CCDC7: variants seen among roughly 807,000 people sequenced by gnomAD.
CCDC7 encodes the protein coiled-coil domain-containing protein 7.
Under a neutral mutation model 196.9 loss-of-function variants are expected in CCDC7, and 183 were observed. That is an observed-to-expected ratio of 0.93 (90% CI 0.82 to 1.05). The LOEUF (loss-of-function observed/expected upper bound fraction) is 1.05. Among genes scored for constraint, CCDC7 ranks in the 50% least tolerant of loss-of-function variants. The pLI is 0.00. For synonymous variants in CCDC7, 525 were observed against 484.6 expected, an observed-to-expected ratio of 1.08 and a Z score of -1.10; for missense variants, 1,540 against 1,482.2, an observed-to-expected ratio of 1.04 and a Z score of -0.64.
At chr10:32,449,958 C>G (rs2032587259), upstream of CCDC7, among the ~76,000 whole-genome samples, 1 of 152,194 alleles carries the variant, frequency 6.6e-6, no homozygotes, top group South Asian at 2.1e-4. Flanking sequence ...GTTGGACTTT[C>G]CAATCTCCAG....
chr10:32,520,081 G>A (rs2047651641), intron 11 of CCDC7, among the ~76,000 whole-genome samples: 1 of 151,960 alleles, frequency 6.6e-6, no homozygotes, highest in African/African-American at 2.4e-5. Context: ...GTACTCCATC[G>A]TGTATGAGTA....
At chr10:32,846,146 A>G (rs537325922) in intron 36 of CCDC7, among the ~76,000 whole-genome samples, 187 bp downstream of exon 37, 1 of 152,042 alleles carries the variant, frequency 6.6e-6, no homozygotes, top group African/African-American at 2.4e-5. Context: ...GGGTAAGAAA[A>G]AGAATTTTTG....
intron 15 of CCDC7, 36 bp downstream of exon 16, chr10:32,567,927 G>A (rs1321992750): frequency 2.6e-6 from 4 of 1,533,456 alleles, no homozygotes; most frequent in Non-Finnish European, 3.5e-6. Flanking sequence ...AGTAGTATAT[G>A]TTGTGAGAAA....
At chr10:32,691,815 C>T (rs1376424600) in intron 23 of CCDC7, among the ~76,000 whole-genome samples, 1 of 152,038 alleles carries the variant, frequency 6.6e-6, no homozygotes, top group Non-Finnish European at 1.5e-5. Context: ...AGATGATGGC[C>T]CAAACATGTT....
chr10:32,453,592 C>T (rs80271345), intron 2 of CCDC7, among the ~76,000 whole-genome samples, 156 bp downstream of exon 3: 1 of 152,250 alleles, frequency 6.6e-6, no homozygotes, highest in Non-Finnish European at 1.5e-5. Flanking sequence ...GAAAATTACT[C>T]AACCCAACCA....
chr10:32,455,165 T>C (rs1685548451), intron 2 of CCDC7, among the ~76,000 whole-genome samples: 1 of 152,112 alleles, frequency 6.6e-6, no homozygotes, highest in South Asian at 2.1e-4. Flanking sequence ...ATATTTGTGA[T>C]TAGTAACACT....
chr10:32,540,776 G>A (rs1362790081), intron 11 of CCDC7, among the ~76,000 whole-genome samples: 1 of 152,036 alleles, frequency 6.6e-6, no homozygotes, highest in Non-Finnish European at 1.5e-5. Flanking sequence ...TAGGTGACCT[G>A]CACATTCTCT....
intron 21 of CCDC7, among the ~76,000 whole-genome samples, chr10:32,669,169 G>C (rs1321465398): frequency 6.6e-6 from 1 of 151,992 alleles, no homozygotes; most frequent in African/African-American, 2.4e-5. Flanking sequence ...TGTGGTTTTT[G>C]TCCTTCATTC....
chr10:32,645,524 T>C (rs1431827987), intron 20 of CCDC7, among the ~76,000 whole-genome samples: 4 of 149,808 alleles, frequency 2.7e-5, no homozygotes, highest in African/African-American at 9.8e-5. Context: ...TTTTTTTTTT[T>C]TTTAATCAGA....
intron 28 of CCDC7, among the ~76,000 whole-genome samples, chr10:32,757,780 GA>G (rs896865087): frequency 3.3e-5 from 5 of 151,658 alleles, no homozygotes; most frequent in South Asian, 2.1e-4. Context: ...GATAGAGACA[GA>G]AAAAACCCTT....
intron 18 of CCDC7, among the ~76,000 whole-genome samples, chr10:32,590,101 A>G (rs1176530888): frequency 6.6e-6 from 1 of 151,458 alleles, no homozygotes; most frequent in Non-Finnish European, 1.5e-5. Flanking sequence ...CCATTTTGTT[A>G]TTGCTTTTCC....
intron 20 of CCDC7, among the ~76,000 whole-genome samples, chr10:32,636,483 G>T (rs945913491): frequency 2.6e-5 from 4 of 152,064 alleles, no homozygotes; most frequent in Admixed American, 2.0e-4. Context: ...GCGGTGTTTG[G>T]TTTTTTGTCC....
rs1301845395 is a variant in CCDC7, at chr10:32,717,905, A to G, written c.2569+6175A>G. On this transcript the variant is annotated intron_variant, in intron 25 of 41. Transcript: ENST00000639629. ...TAATTAATAGCCTACCAAAAAAAAAAAAAAAAGCCCAGGGCCAGACAGATT... is the reference window on the plus strand; with the variant it reads ...TAATTAATAGCCTACCAAAAAAAAAGAAAAAAGCCCAGGGCCAGACAGATT... Among the ~76,000 whole-genome samples the G allele has an allele frequency of 3.9e-5, 6 of 151,914 alleles. No homozygotes were observed. In the East Asian group the frequency reaches 9.6e-4, roughly 24 times the overall value.
At chr10:32,744,122 G>A (rs1232833531) in intron 28 of CCDC7, among the ~76,000 whole-genome samples, 1 of 146,434 alleles carries the variant, frequency 6.8e-6, no homozygotes, top group South Asian at 2.2e-4. Context: ...ATGTATCCTA[G>A]AACTTAAAGT....
intron 13 of CCDC7, among the ~76,000 whole-genome samples, chr10:32,548,799 A>T (rs1444343570): frequency 6.6e-6 from 1 of 152,122 alleles, no homozygotes; most frequent in African/African-American, 2.4e-5. Context: ...CAGTTTCTTT[A>T]TCCACTTGTT....
intron 8 of CCDC7, among the ~76,000 whole-genome samples, chr10:32,482,719 G>A (rs1054750393): frequency 6.6e-6 from 1 of 151,628 alleles, no homozygotes; most frequent in African/African-American, 2.4e-5. Context: ...TCATTGTTCA[G>A]TTCCCACCTA....
intron 20 of CCDC7, among the ~76,000 whole-genome samples, chr10:32,657,092 G>A (rs2070089510): frequency 6.6e-6 from 1 of 152,166 alleles, no homozygotes; most frequent in Admixed American, 6.5e-5. Context: ...GTGGCCTTAG[G>A]CAGCTCCACC....
At chr10:32,685,831 A>C in intron 21 of CCDC7, 139 bp from the exon 23 acceptor site, 1 of 564,462 alleles carries the variant, frequency 1.8e-6, no homozygotes, top group East Asian at 3.3e-5. Flanking sequence ...CATCAAATCT[A>C]TTATTATTGT....
chr10:32,848,584 A>T lies in CCDC7; in HGVS notation c.3773-12A>T. On this transcript the variant is annotated splice_polypyrimidine_tract_variant and intron_variant, in intron 38 of 41. Transcript: ENST00000639629. ...GTATTCATGCACTTTTTCTTTTAAAATTTTATTTTAGATGTGAACTTATTT... is the reference window on the plus strand; with the variant it reads ...GTATTCATGCACTTTTTCTTTTAAATTTTTATTTTAGATGTGAACTTATTT... The T allele has an allele frequency of 6.9e-7, 1 of 1,447,430 alleles. No homozygotes were observed. 89.7% of individuals were successfully genotyped at this position (1,447,430 alleles called of 1,614,324 possible). A position where few individuals can be genotyped will look rare whatever the true frequency, so the allele number is the denominator to read the frequency against.
Sources: gnomAD v4.1 joint callset for allele counts (sites outside exome capture counted in the v4.1 genomes callset) on GRCh38, gnomAD v4.1.1 for gene constraint, MANE v1.5 for transcripts, NCBI Gene and HGNC (gene_info 2026-07-23, HGNC 2026-07-21) for gene names.